KMT2C: variants seen among roughly 807,000 people sequenced by gnomAD.
KMT2C encodes the protein lysine methyltransferase 2C.
Under a neutral mutation model 507.9 loss-of-function variants are expected in KMT2C, and 88 were observed. That is an observed-to-expected ratio of 0.17 (90% CI 0.15 to 0.21). The LOEUF is 0.21. KMT2C is among the 10% of genes least tolerant of loss of function. The pLI is 1.00. For synonymous variants in KMT2C, 2,049 were observed against 2,080.8 expected (o/e 0.98, Z 0.42); for missense variants, 4,954 against 5,957.8 (o/e 0.83, Z 5.55).
intron 6 of KMT2C, among the ~76,000 whole-genome samples, chr7:152,309,313 ATTTT>A (rs1169487768): frequency 2.3e-5 from 3 of 129,644 alleles, no homozygotes; most frequent in Non-Finnish European, 1.6e-5. Flanking sequence ...ACACAAATTA[ATTTT>A]TTTTTTTTTT....
At chr7:152,137,214 A>C in intron 58 of KMT2C, 1 of 292,044 alleles carries the variant, frequency 3.4e-6, no homozygotes, top group Non-Finnish European at 6.5e-6. Flanking sequence ...CTGCAAGTGG[A>C]TGGAGGGGAC....
At chr7:152,335,926 T>C (rs1412024171) in intron 2 of KMT2C, among the ~76,000 whole-genome samples, 1 of 152,012 alleles carries the variant, frequency 6.6e-6, no homozygotes, top group African/African-American at 2.4e-5. Context: ...GTTTTTTTTT[T>C]GTTTTTTAAG....
chr7:152,208,323 CTAACT>C (rs1276233357), intron 23 of KMT2C, among the ~76,000 whole-genome samples: 11 of 152,278 alleles, frequency 7.2e-5, no homozygotes, highest in South Asian at 2.1e-4. Context: ...TGCCTTCTAC[CTAACT>C]TATCTTTCAG....
At chr7:152,235,068 T>C (rs1007450128) in intron 16 of KMT2C, among the ~76,000 whole-genome samples, 2 of 152,094 alleles carry the variant, frequency 1.3e-5, no homozygotes, top group Non-Finnish European at 1.5e-5. Context: ...TCCACTTATA[T>C]ACAACTCTAG....
intron 26 of KMT2C, among the ~76,000 whole-genome samples, chr7:152,202,686 T>A (rs1024749543): frequency 6.6e-6 from 1 of 152,178 alleles, no homozygotes; most frequent in Non-Finnish European, 1.5e-5. Context: ...CCTTGTTACA[T>A]CTTATAGAAT....
chr7:152,429,657 A>C (rs956748925), intron 1 of KMT2C, among the ~76,000 whole-genome samples: 1 of 151,572 alleles, frequency 6.6e-6, no homozygotes, highest in African/African-American at 2.4e-5. Flanking sequence ...AGTCACTGGG[A>C]CTATAGGTGC....
At chr7:152,199,204 T>A (rs1416704837) in intron 27 of KMT2C, 75 bp downstream of exon 27, 1 of 1,254,366 alleles carries the variant, frequency 8.0e-7, no homozygotes, top group African/African-American at 1.6e-5. Flanking sequence ...ACAAAAACAT[T>A]TCAAAAAGAT....
At chr7:152,210,777 A>G (rs201151716) in intron 23 of KMT2C, among the ~76,000 whole-genome samples, 2 of 152,332 alleles carry the variant, frequency 1.3e-5, no homozygotes, top group East Asian at 3.9e-4. Context: ...TAAGATACCC[A>G]TGAGGCAAGA....
intron 1 of KMT2C, among the ~76,000 whole-genome samples, chr7:152,371,028 AAAG>A (rs1177753447): frequency 6.6e-6 from 1 of 152,238 alleles, no homozygotes; most frequent in African/African-American, 2.4e-5. Context: ...AATTGAAACA[AAAG>A]AACTCTAAAA....
chr7:152,150,538 T>C (rs1208982834), intron 51 of KMT2C, among the ~76,000 whole-genome samples: 9 of 152,002 alleles, frequency 5.9e-5, no homozygotes, highest in South Asian at 2.1e-4. Flanking sequence ...ATTGCTTGAA[T>C]TGGGAGGCAG....
At chr7:152,152,582 A>G in intron 49 of KMT2C, 123 bp downstream of exon 49, 1 of 1,206,344 alleles carries the variant, frequency 8.3e-7, no homozygotes, top group Middle Eastern at 2.2e-4. Context: ...TGGTAAGTTC[A>G]CCAAGGACTA....
chr7:152,303,305 A>C (rs1430228616), intron 6 of KMT2C, among the ~76,000 whole-genome samples: 1 of 152,234 alleles, frequency 6.6e-6, no homozygotes, highest in Non-Finnish European at 1.5e-5. Flanking sequence ...AGGATTTCTC[A>C]ACCTCAGCAC....
At chr7:152,185,321 T>C (rs1247315153) in intron 34 of KMT2C, among the ~76,000 whole-genome samples, 1 of 152,172 alleles carries the variant, frequency 6.6e-6, no homozygotes, top group Non-Finnish European at 1.5e-5. Flanking sequence ...CCTTCCCCCC[T>C]AAAACAGCTG....
chr7:152,367,069 C>T (rs756134697), intron 1 of KMT2C: 11 of 712,274 alleles, frequency 1.5e-5, no homozygotes, highest in South Asian at 3.4e-5. Flanking sequence ...AATCTGTAGT[C>T]AGAACTCTGT....
chr7:152,180,289 G>A (rs1437144193), intron 36 of KMT2C, among the ~76,000 whole-genome samples, 163 bp from the exon 37 acceptor site: 71 of 152,118 alleles, frequency 4.7e-4, no homozygotes, highest in Admixed American at 4.6e-3. Flanking sequence ...TCAAGTAGCT[G>A]GGATTACAAG....
At chr7:152,414,070 C>G (rs1358916336) in intron 1 of KMT2C, among the ~76,000 whole-genome samples, 3 of 145,828 alleles carry the variant, frequency 2.1e-5, no homozygotes, top group Non-Finnish European at 4.5e-5. Flanking sequence ...TTTAGCTGGG[C>G]GTGGTGTCGC....
At chr7:152,195,811 C>T (rs2093944481) in intron 28 of KMT2C, 96 bp downstream of exon 28, 3 of 644,780 alleles carry the variant, frequency 4.7e-6, no homozygotes, top group Non-Finnish European at 2.4e-6. Context: ...AACACAGTTA[C>T]TGGGAAACAG....
At chr7:152,250,233 C>A (rs2129165750) in intron 12 of KMT2C, among the ~76,000 whole-genome samples, 1 of 152,134 alleles carries the variant, frequency 6.6e-6, no homozygotes, top group Middle Eastern at 3.4e-3. Context: ...TATACGTAAA[C>A]TTAATAAATT....
At chr7:152,188,169 G>A (rs1259532863) in intron 31 of KMT2C, among the ~76,000 whole-genome samples, 1 of 152,162 alleles carries the variant, frequency 6.6e-6, no homozygotes, top group African/African-American at 2.4e-5. Flanking sequence ...CAATTTAAAA[G>A]TAGGATTTTT....
Sources: gnomAD v4.1 joint callset for allele counts (sites outside exome capture counted in the v4.1 genomes callset) on GRCh38, gnomAD v4.1.1 for gene constraint, MANE v1.5 for transcripts, NCBI Gene and HGNC (gene_info 2026-07-23, HGNC 2026-07-21) for gene names.